THAP3: variants seen among roughly 807,000 people sequenced by gnomAD.
The protein encoded by THAP3 is THAP domain-containing protein 3.
THAP3 carries 12 observed loss-of-function variants against 17.7 expected under a neutral mutation model. The ratio of observed to expected loss-of-function variants is 0.68; its 90% CI spans 0.43 to 1.10. The LOEUF is 1.10. Ranked by LOEUF, THAP3 falls within the 50% of genes least tolerant of loss-of-function variation. The probability of loss-of-function intolerance (pLI) is 0.00; values close to 1 mark genes in which losing one functional copy is unlikely to be tolerated. For synonymous variants in THAP3, 133 were observed against 126.9 expected (o/e 1.05, Z -0.32); for missense variants, 289 against 318.0 (o/e 0.91, Z 0.69).
At position 6,625,240 on chromosome 1, in the gene THAP3, C is replaced by T. The variant is rs753064234; in HGVS notation, c.22C>T (p.Arg8Trp). The change falls in exon 2 of 6, where the codon CGG (arginine) becomes TGG (tryptophan). Residue 8 changes from arginine to tryptophan, a missense_variant. Transcript: ENST00000054650. The part of the protein sequence containing the change: MPKSCAA[R>W]QCCNRYSSRR... ...CGAGATGCCGAAGTCGTGCGCGGCCCGGCAGTGCTGCAACCGCTACAGCAG... is the reference window on the plus strand; with the variant it reads ...CGAGATGCCGAAGTCGTGCGCGGCCTGGCAGTGCTGCAACCGCTACAGCAG... 28 of 1,545,266 alleles carry T rather than the reference C, an allele frequency of 1.8e-5. No individual in the cohort carries two copies. The highest frequency in any genetic ancestry group is 2.4e-5 in the Non-Finnish European group (27 of 1,147,142).
chr1:6,625,374 G>A (rs1173245676), intron 2 of THAP3, 82 bp downstream of exon 2: 10 of 1,336,676 alleles, frequency 7.5e-6, no homozygotes, highest in South Asian at 1.6e-5. Flanking sequence ...GCGCCGGGCG[G>A]GAGGCCCAAA....
At chr1:6,624,980 A>G (rs1641418666) in intron 1 of THAP3, 26 bp downstream of exon 1, 4 of 537,436 alleles carry the variant, frequency 7.4e-6, no homozygotes, top group Non-Finnish European at 1.3e-5. Context: ...GCCCAAGGCT[A>G]GGAGTTGGGG....
chr1:6,633,932 T>C (rs997967649), downstream of THAP3: 3 of 1,239,304 alleles, frequency 2.4e-6, no homozygotes, highest in African/African-American at 3.0e-5. Context: ...AAAAACTGAC[T>C]TCCTATTTTG....
In THAP3 at chr1:6,633,070, A is replaced by G. The variant is rs1216455379; in HGVS notation, c.713A>G (p.Gln238Arg). ...CAGGCCAGACTTGGGCCAGAGCAGC[A>G]GAGCTGAGCCCCACAGGCTCCGGAC... Reference protein sequence around the residue: ...GLQARLGPEQQS With the variant: ...GLQARLGPEQRS Residue 238 changes from glutamine (Q) to arginine (R), a missense_variant, in exon 6 of 6, where the codon CAG becomes CGG. Coordinates refer to ENST00000054650, the MANE Select transcript of THAP3 (RefSeq NM_001195753.2). 6.2e-7 allele frequency: 1 copy of G among 1,601,160 alleles called. No individual in the cohort carries two copies. Among genetic ancestry groups the G allele is most frequent in the Admixed American group, 1.7e-5 (1 of 58,026 alleles).
chr1:6,634,700 G>A (rs1641722636), downstream of THAP3: 1 of 1,365,606 alleles, frequency 7.3e-7, no homozygotes, highest in Non-Finnish European at 9.8e-7. Flanking sequence ...CGTGGAGGAA[G>A]GGTCTGAAGG....
Position 6,632,870 on chromosome 1 carries a change from C to T in THAP3, c.513C>T (p.Pro171=). ...PTGPAGLRRT[P]NKQPSDHSYA... Reference sequence around the variant, plus strand: ...GCCCTGCAGGCCTGAGAAGGACCCCCAACAAGCAGCCATCTGATCACAGCT... The same window carrying T: ...GCCCTGCAGGCCTGAGAAGGACCCCTAACAAGCAGCCATCTGATCACAGCT... The change falls in exon 6 of 6, where the codon CCC becomes CCT. Residue 171 remains proline, a synonymous_variant. Coordinates refer to ENST00000054650, the MANE Select transcript of THAP3 (RefSeq NM_001195753.2). 6.2e-7 allele frequency: 1 copy of T among 1,612,964 alleles called. No individual in the cohort carries two copies.
chr1:6,632,319 G>A, intron 4 of THAP3, 72 bp from the exon 5 acceptor site: 1 of 1,593,736 alleles, frequency 6.3e-7, no homozygotes, highest in South Asian at 1.1e-5. Context: ...TCCCCTAGAG[G>A]GACAAGTAGC....
chr1:6,633,916 GA>G (rs3215503), downstream of THAP3: 451 of 946,838 alleles, frequency 4.8e-4, no homozygotes, highest in Middle Eastern at 2.1e-3. Flanking sequence ...GACTCAGTCT[GA>G]AAAAAAAAAC....
In THAP3 at chr1:6,624,950, A is replaced by C; in HGVS notation, c.-74A>C. 1 of 493,284 alleles carries C rather than the reference A, an allele frequency of 2.0e-6. No homozygotes were observed. Among genetic ancestry groups the C allele is most frequent in the Non-Finnish European group, 3.6e-6 (1 of 277,686 alleles). The allele number at this position is 493,284 out of a possible 1,614,324, so 30.6% of individuals were successfully genotyped here. A position where few individuals can be genotyped will look rare whatever the true frequency, so the allele number is the denominator to read the frequency against. On this transcript the variant is annotated 5_prime_UTR_variant, in exon 1 of 6. An upstream start codon of the reference 5' UTR is lost. Coordinates refer to ENST00000054650, the MANE Select transcript of THAP3 (RefSeq NM_001195753.2). Reference sequence around the variant, plus strand: ...GGTGAAAGGCGACCAGCATTGGCGAATGGGGTAAGACTTGCACAGGCCCAA... The same window carrying C: ...GGTGAAAGGCGACCAGCATTGGCGACTGGGGTAAGACTTGCACAGGCCCAA...
chr1:6,634,197 A>C (rs146601847), downstream of THAP3: 11,830 of 1,098,372 alleles, frequency 0.011, 106 homozygotes, highest in South Asian at 0.026. Context: ...TATTGTGGTG[A>C]GTGCCTTCTG....
chr1:6,628,355 A>C, intron 2 of THAP3, 144 bp from the exon 3 acceptor site: 1 of 678,330 alleles, frequency 1.5e-6, no homozygotes, highest in Non-Finnish European at 2.4e-6. Flanking sequence ...GCTTCCAGAA[A>C]TTAGATGTGA....
At chr1:6,634,623 A>AC, downstream of THAP3, 1 of 1,366,394 alleles carries the variant, frequency 7.3e-7, no homozygotes, top group Non-Finnish European at 9.8e-7. Context: ...ACGTAACTTT[A>AC]CTGCAGCCGA....
downstream of THAP3, chr1:6,633,913 T>A (rs1641699010): frequency 9.9e-7 from 1 of 1,013,974 alleles, no homozygotes; most frequent in African/African-American, 1.6e-5. Flanking sequence ...CGAGACTCAG[T>A]CTGAAAAAAA....
At chr1:6,635,028 T>G, downstream of THAP3, 6 of 354,296 alleles carry the variant, frequency 1.7e-5, no homozygotes, top group Non-Finnish European at 2.8e-5. Context: ...GGAGTTACAC[T>G]ACCCTGTCCC....
rs1641621477 is a variant in THAP3, at chr1:6,631,775, T to TA, written c.334-614dup. Among the ~76,000 whole-genome samples, 3 of 152,204 alleles carry TA rather than the reference T, an allele frequency of 2.0e-5. No individual in the cohort carries two copies. In the East Asian group the frequency reaches 5.8e-4, roughly 29 times the overall value. Reference sequence around the variant, plus strand: ...AGCTGGGCATGGTGGTGGATGCCTATAATCCCAGCTACTCTGGAGGAGAAT... The same window carrying TA: ...AGCTGGGCATGGTGGTGGATGCCTATAAATCCCAGCTACTCTGGAGGAGAAT... On this transcript the variant is annotated intron_variant, in intron 4 of 5. Coordinates refer to ENST00000054650, the MANE Select transcript of THAP3 (RefSeq NM_001195753.2).
chr1:6,628,509 A>C lies in THAP3; in HGVS notation c.85A>C (p.Ser29Arg), dbSNP rs934180641. ...KQLTFHRFPF[S>R]RPELLKEWVL... The stretch of plus-strand genomic sequence containing the variant: ...TGCCTCTGCCCTTAGGTTTCCGTTC[A>C]GCCGCCCGGAGCTGCTGAAGGAATG... The change falls in exon 3 of 6, where the codon AGC becomes CGC. Residue 29 changes from serine (S) to arginine (R), a missense_variant. By Grantham distance (110) the Ser-to-Arg change is moderately radical (BLOSUM62 -1). Coordinates refer to ENST00000054650, the MANE Select transcript of THAP3 (RefSeq NM_001195753.2). The C allele has an allele frequency of 6.2e-7, 1 of 1,612,112 alleles. No individual in the cohort carries two copies. The highest frequency in any genetic ancestry group is 1.7e-5 in the Admixed American group (1 of 59,770).
chr1:6,630,574 TTTTTC>T (rs1299189934), intron 4 of THAP3, among the ~76,000 whole-genome samples: 11 of 152,130 alleles, frequency 7.2e-5, no homozygotes, highest in African/African-American at 2.7e-4. Flanking sequence ...CCTGATTCCC[TTTTTC>T]TTTTCTTTTT....
chr1:6,625,581 G>A (rs1641446331), intron 2 of THAP3, among the ~76,000 whole-genome samples: 1 of 149,162 alleles, frequency 6.7e-6, no homozygotes, highest in Admixed American at 6.6e-5. Context: ...GGGGTTTGCT[G>A]TGTCCCTGGT....
chr1:6,630,239 C>T, intron 3 of THAP3, 49 bp from the exon 4 acceptor site: 1 of 1,556,438 alleles, frequency 6.4e-7, no homozygotes. Flanking sequence ...CTGCCCCGAG[C>T]TCTGAGGGTT....
Sources: allele counts gnomAD v4.1 joint callset (sites outside exome capture counted in the v4.1 genomes callset), GRCh38; gene constraint gnomAD v4.1.1; transcripts MANE v1.5; gene names NCBI Gene and HGNC (gene_info 2026-07-23, HGNC 2026-07-21).